Variants in PKHD1L1 observed in about 807,000 individuals in gnomAD.
PKHD1L1 encodes PKHD1 like 1.
A neutral mutation model predicts 462.9 loss-of-function variants in PKHD1L1; 434 were observed. The observed-to-expected ratio is 0.94, with a 90% CI of 0.87 to 1.02. PKHD1L1 has a LOEUF of 1.02. PKHD1L1 is among the 50% of genes least tolerant of loss of function. PKHD1L1 has a pLI of 0.00. For missense variants in PKHD1L1, 5,202 were observed against 5,096.1 expected (o/e 1.02, Z -0.63); for synonymous variants, 1,781 against 1,750.0 (o/e 1.02, Z -0.44).
chr8:109,488,245 T>G lies in PKHD1L1; in HGVS notation c.9880+1424T>G, dbSNP rs770266330. On this transcript the variant is annotated intron_variant, in intron 59 of 77. Transcript: ENST00000378402. ...ATAATGTGTTGGTTCCCAAGCATCC[T>G]CCAAAGGTGACAGGGAGTTTTTATT... Among the ~76,000 whole-genome samples, 24 of 152,054 alleles carry G rather than the reference T, an allele frequency of 1.6e-4. 1 individual carries two copies. Among genetic ancestry groups the G allele is most frequent in the Non-Finnish European group, 3.2e-4 (22 of 67,916 alleles).
At chr8:109,374,430 C>T (rs958050696) in intron 2 of PKHD1L1, among the ~76,000 whole-genome samples, 14 of 152,198 alleles carry the variant, frequency 9.2e-5, no homozygotes, top group African/African-American at 3.4e-4. Flanking sequence ...ATACAGCACA[C>T]TGATGGGTCT....
intron 50 of PKHD1L1, among the ~76,000 whole-genome samples, chr8:109,467,853 G>A (rs1271020557): frequency 6.8e-6 from 1 of 147,088 alleles, no homozygotes; most frequent in Non-Finnish European, 1.5e-5. Context: ...CTTCTTGACA[G>A]CAATATGGAA....
chr8:109,518,717 G>A (rs1459411957), intron 73 of PKHD1L1, among the ~76,000 whole-genome samples: 2 of 152,114 alleles, frequency 1.3e-5, no homozygotes, highest in African/African-American at 4.8e-5. Flanking sequence ...TCTCTGTTTT[G>A]TTATTGTGAT....
chr8:109,367,937 A>G (rs1811312500), intron 2 of PKHD1L1, among the ~76,000 whole-genome samples: 2 of 152,202 alleles, frequency 1.3e-5, no homozygotes, highest in African/African-American at 4.8e-5. Flanking sequence ...ACTATGCTTC[A>G]GGAGATATAG....
intron 16 of PKHD1L1, among the ~76,000 whole-genome samples, chr8:109,405,686 G>T (rs1356360347): frequency 1.3e-5 from 2 of 151,802 alleles, no homozygotes; most frequent in African/African-American, 4.8e-5. Flanking sequence ...GGGGCCTGTT[G>T]GGGGGTGGGG....
chr8:109,504,372 ATG>A lies in PKHD1L1; in HGVS notation c.10876_10877del (p.Val3626TyrfsTer5). On this transcript the variant is annotated frameshift_variant, in exon 68 of 78. Coordinates refer to ENST00000378402, the MANE Select transcript of PKHD1L1 (RefSeq NM_177531.6). LOFTEE classifies it high-confidence loss of function. ...AAGAATGTTTGTTCAGGGGAAACTA[ATG>A]TTATATTCATTACTAACCCTTTAAA... The A allele has an allele frequency of 6.6e-7, 1 of 1,510,260 alleles. No homozygotes were observed. The highest frequency in any genetic ancestry group is 9.0e-7 in the Non-Finnish European group (1 of 1,113,496). The allele number at this position is 1,510,260 out of a possible 1,614,324, so 93.6% of individuals were successfully genotyped here. A position where few individuals can be genotyped will look rare whatever the true frequency, so the allele number is the denominator to read the frequency against.
intron 58 of PKHD1L1, 28 bp downstream of exon 58, chr8:109,485,201 A>G: frequency 6.7e-7 from 1 of 1,486,698 alleles, no homozygotes; most frequent in South Asian, 1.3e-5. Context: ...AACCAAATAG[A>G]TATATAATTG....
rs1183341254 is a variant in PKHD1L1 at position 109,381,531 on chromosome 8, C to G, written c.308+17C>G. The stretch of plus-strand genomic sequence containing the variant: ...CTATACTAGGTCTGTTTTAAAGTAT[C>G]TTTAATAAAATCATTTTCATCATAT... On this transcript the variant is annotated intron_variant, in intron 3 of 77. Coordinates refer to ENST00000378402, the MANE Select transcript of PKHD1L1 (RefSeq NM_177531.6). The G allele has an allele frequency of 6.6e-7, 1 of 1,508,130 alleles. No homozygotes were observed. The highest frequency in any genetic ancestry group is 9.0e-7 in the Non-Finnish European group (1 of 1,111,410). The allele number at this position is 1,508,130 out of a possible 1,614,324, so 93.4% of individuals were successfully genotyped here.
At chr8:109,433,011 G>C (rs1815197821) in intron 27 of PKHD1L1, 95 bp from the exon 28 acceptor site, 1 of 910,646 alleles carries the variant, frequency 1.1e-6, no homozygotes, top group Admixed American at 2.3e-5. Flanking sequence ...ATCTTTTGAA[G>C]ATAGACTTAT....
intron 45 of PKHD1L1, among the ~76,000 whole-genome samples, chr8:109,455,062 G>A (rs749802919): frequency 2.0e-4 from 31 of 152,166 alleles, no homozygotes; most frequent in Admixed American, 7.9e-4. Context: ...ACCAGGCCAG[G>A]TGCGGTGGCT....
chr8:109,506,085 T>A (rs1443607604), intron 68 of PKHD1L1, among the ~76,000 whole-genome samples: 3 of 152,204 alleles, frequency 2.0e-5, no homozygotes, highest in Non-Finnish European at 4.4e-5. Context: ...TAGTTGTCAC[T>A]GAATCTTTCA....
chr8:109,416,080 C>G (rs911429750), intron 21 of PKHD1L1, among the ~76,000 whole-genome samples: 1 of 152,026 alleles, frequency 6.6e-6, no homozygotes, highest in Non-Finnish European at 1.5e-5. Context: ...GTCAGTATCT[C>G]TTTAGTCATG....
At chr8:109,384,527 T>TG (rs1371037462) in intron 5 of PKHD1L1, among the ~76,000 whole-genome samples, 1 of 151,934 alleles carries the variant, frequency 6.6e-6, no homozygotes, top group Non-Finnish European at 1.5e-5. Flanking sequence ...AGATCCTATC[T>TG]GAAAAAAAAG....
intron 67 of PKHD1L1, among the ~76,000 whole-genome samples, chr8:109,501,171 C>A (rs1819391454): frequency 6.6e-6 from 1 of 152,052 alleles, no homozygotes; most frequent in Admixed American, 6.6e-5. Flanking sequence ...ACATTTTTTG[C>A]AGGTTGTCAT....
intron 11 of PKHD1L1, 49 bp from the exon 12 acceptor site, chr8:109,398,410 G>T: frequency 1.7e-6 from 2 of 1,161,240 alleles, no homozygotes; most frequent in East Asian, 2.6e-5. Flanking sequence ...GATGTGATTT[G>T]CATTCTGAAG....
intron 23 of PKHD1L1, among the ~76,000 whole-genome samples, chr8:109,421,549 G>A (rs1318497071): frequency 1.3e-5 from 2 of 152,102 alleles, no homozygotes; most frequent in African/African-American, 2.4e-5. Flanking sequence ...TTGGGAGGCC[G>A]AGACGGGCGG....
chr8:109,465,278 C>T, intron 49 of PKHD1L1, 33 bp downstream of exon 49: 1 of 1,581,494 alleles, frequency 6.3e-7, no homozygotes, highest in Non-Finnish European at 8.6e-7. Context: ...GATAAAAATC[C>T]ATTGGAAATA....
Position 109,445,588 on chromosome 8 carries a change from C to T in PKHD1L1, c.5719C>T (p.Leu1907Phe). Residue 1907 changes from leucine to phenylalanine, a missense_variant, in exon 38 of 78, where the codon CTT (leucine) becomes TTT (phenylalanine). Leu to Phe is a conservative substitution (Grantham distance 22). Around this residue, in one of 3 missense-constraint regions of PKHD1L1, gnomAD observed 4,497 missense variants for 4,336.8 expected, o/e 1.04. Transcript: ENST00000378402. ...TAATACAATTGCTTATCCACCTTTG[C>T]TTTTTACATATGCCCTGGAGGATAC... ...FVNTIAYPPL[L>F]FTYALEDTPF... 6.2e-7 allele frequency: 1 copy of T among 1,610,962 alleles called. No homozygotes were observed. The highest frequency in any genetic ancestry group is 8.5e-7 in the Non-Finnish European group (1 of 1,178,186).
At chr8:109,466,485 G>A (rs1817445003) in intron 49 of PKHD1L1, 93 bp from the exon 50 acceptor site, 5 of 1,252,762 alleles carry the variant, frequency 4.0e-6, no homozygotes, top group Non-Finnish European at 4.3e-6. Flanking sequence ...GACTGTATTA[G>A]TGGTACTATG....
Sources: allele counts gnomAD v4.1 joint callset (sites outside exome capture counted in the v4.1 genomes callset), GRCh38; gene constraint gnomAD v4.1.1; regional missense constraint gnomAD v4.1.1; transcripts MANE v1.5; gene names NCBI Gene and HGNC (gene_info 2026-07-23, HGNC 2026-07-21).